The following GALNT13 variants were observed in gnomAD, a reference collection of about 807,000 sequenced individuals.
GALNT13 encodes the protein UDP-GalNAc:polypeptide N-acetylgalactosaminyltransferase 13.
Under a neutral mutation model 64.2 loss-of-function variants are expected in GALNT13, and 28 were observed. The ratio of observed to expected loss-of-function variants is 0.44; its 90% confidence interval spans 0.32 to 0.60. The LOEUF is 0.60. Ranked by LOEUF, GALNT13 falls within the 20% of genes least tolerant of loss-of-function variation. The pLI is 0.05. For synonymous variants in GALNT13, 214 were observed against 224.6 expected (o/e 0.95, Z 0.42); for missense variants, 577 against 669.8 (o/e 0.86, Z 1.53).
chr2:153,497,134 C>T, the GALNT13 span, among the ~76,000 whole-genome samples: 1 of 152,188 alleles, frequency 6.6e-6, no homozygotes, highest in Non-Finnish European at 1.5e-5. Context: ...TAAAACATGC[C>T]TGTTGGCTTT....
At chr2:153,636,404 G>A in the GALNT13 span, among the ~76,000 whole-genome samples, 1 of 152,064 alleles carries the variant, frequency 6.6e-6, no homozygotes, top group South Asian at 2.1e-4. Context: ...CAGAAAGGTG[G>A]TATCCTCAGT....
the GALNT13 span, among the ~76,000 whole-genome samples, chr2:153,563,412 C>G: frequency 6.6e-6 from 1 of 151,932 alleles, no homozygotes; most frequent in Non-Finnish European, 1.5e-5. Flanking sequence ...TTTAGTGGAT[C>G]TTCAGATTTT....
chr2:153,473,295 A>T, the GALNT13 span, among the ~76,000 whole-genome samples: 1 of 152,176 alleles, frequency 6.6e-6, no homozygotes, highest in South Asian at 2.1e-4. Flanking sequence ...AAAAAATAAG[A>T]TGTATACATA....
At chr2:154,067,533 A>C (rs1024770949) in intron 3 of GALNT13, among the ~76,000 whole-genome samples, 2 of 150,506 alleles carry the variant, frequency 1.3e-5, no homozygotes, top group African/African-American at 2.4e-5. Context: ...CTATAAGAAG[A>C]GACAAAGAAG....
chr2:153,103,389 C>G, the GALNT13 span, among the ~76,000 whole-genome samples: 3 of 152,324 alleles, frequency 2.0e-5, no homozygotes, highest in East Asian at 5.8e-4. Context: ...AAATGTGATG[C>G]CTCCAGAGAC....
At chr2:153,886,538 C>CA (rs1482333704) in intron 1 of GALNT13, among the ~76,000 whole-genome samples, 8 of 152,036 alleles carry the variant, frequency 5.3e-5, no homozygotes, top group African/African-American at 1.7e-4. Flanking sequence ...ATAGCAAAGA[C>CA]AAAAAACCAA....
chr2:153,988,373 T>C (rs573260387), intron 3 of GALNT13, among the ~76,000 whole-genome samples: 6 of 152,042 alleles, frequency 3.9e-5, no homozygotes, highest in African/African-American at 1.4e-4. Context: ...ACTTTCTACT[T>C]CCATGAGTTC....
the GALNT13 span, among the ~76,000 whole-genome samples, chr2:153,535,318 G>T: frequency 6.6e-6 from 1 of 152,188 alleles, no homozygotes. Flanking sequence ...AGTGCCTAAG[G>T]AGATTCAGCA....
the GALNT13 span, among the ~76,000 whole-genome samples, chr2:153,723,253 A>G: frequency 6.8e-6 from 1 of 147,456 alleles, no homozygotes; most frequent in Non-Finnish European, 1.5e-5. Flanking sequence ...AAATTCAACA[A>G]CCCTTCATGC....
chr2:153,779,828 A>G, the GALNT13 span, among the ~76,000 whole-genome samples: 1 of 152,300 alleles, frequency 6.6e-6, no homozygotes. Flanking sequence ...CATATGTAGC[A>G]CAACATGAAG....
chr2:154,147,645 G>A (rs1248134868), intron 4 of GALNT13, among the ~76,000 whole-genome samples: 1 of 151,698 alleles, frequency 6.6e-6, no homozygotes, highest in Non-Finnish European at 1.5e-5. Flanking sequence ...TATGGAGCCT[G>A]GCTACTATTT....
At chr2:153,492,479 C>A in the GALNT13 span, among the ~76,000 whole-genome samples, 4 of 152,142 alleles carry the variant, frequency 2.6e-5, no homozygotes, top group Admixed American at 1.3e-4. Flanking sequence ...CAGGTGAGTG[C>A]AAGCGGTCTA....
At chr2:153,495,749 G>T in the GALNT13 span, among the ~76,000 whole-genome samples, 3 of 144,948 alleles carry the variant, frequency 2.1e-5, no homozygotes, top group African/African-American at 8.6e-5. Context: ...TTCTGAAACA[G>T]TGGGGAGGGA....
chr2:154,120,079 G>T (rs58954158), intron 3 of GALNT13, among the ~76,000 whole-genome samples: 12,459 of 150,748 alleles, frequency 0.083, 873 homozygotes, highest in African/African-American at 0.18. Flanking sequence ...TTGTTTGTTT[G>T]TTTGTTTTTT....
the GALNT13 span, among the ~76,000 whole-genome samples, chr2:153,357,673 G>A: frequency 6.6e-6 from 1 of 152,102 alleles, no homozygotes; most frequent in East Asian, 1.9e-4. Context: ...GTCTTCAGCT[G>A]TACATAGTCA....
intron 3 of GALNT13, among the ~76,000 whole-genome samples, chr2:154,001,589 T>G (rs1695912921): frequency 6.6e-6 from 1 of 152,024 alleles, no homozygotes; most frequent in Non-Finnish European, 1.5e-5. Flanking sequence ...CTTTTACTTT[T>G]TGATGTTTCA....
the GALNT13 span, among the ~76,000 whole-genome samples, chr2:153,552,345 C>A: frequency 6.6e-6 from 1 of 151,954 alleles, no homozygotes; most frequent in African/African-American, 2.4e-5. Flanking sequence ...TGAGAATGAT[C>A]CAGGAGAGAG....
chr2:153,783,001 T>C, the GALNT13 span, among the ~76,000 whole-genome samples: 14 of 152,160 alleles, frequency 9.2e-5, no homozygotes, highest in Non-Finnish European at 2.1e-4. Context: ...GTTACAGACA[T>C]ACCGGAAACA....
the GALNT13 span, among the ~76,000 whole-genome samples, chr2:153,194,094 T>C: frequency 6.6e-6 from 1 of 152,192 alleles, no homozygotes; most frequent in Non-Finnish European, 1.5e-5. Flanking sequence ...CTTTTATATA[T>C]TTAAGGATCT....
Sources: allele counts gnomAD v4.1 joint callset (sites outside exome capture counted in the v4.1 genomes callset), GRCh38; gene constraint gnomAD v4.1.1; transcripts MANE v1.5; gene names NCBI Gene and HGNC (gene_info 2026-07-23, HGNC 2026-07-21).